SEL1L: variants seen among roughly 807,000 people sequenced by gnomAD.
SEL1L encodes SEL1L adaptor subunit of SYVN1 ubiquitin ligase.
SEL1L carries 52 observed loss-of-function variants against 109.8 expected under a neutral mutation model. The observed-to-expected ratio is 0.47, with a 90% CI of 0.38 to 0.60. SEL1L has a LOEUF of 0.60. SEL1L is among the 20% of genes least tolerant of loss of function. The pLI is 0.00. For synonymous variants in SEL1L, 373 were observed against 339.6 expected (o/e 1.10, Z -1.08); for missense variants, 749 against 962.2 (o/e 0.78, Z 2.93).
chr14:81,486,616 T>C, intron 16 of SEL1L, among the ~76,000 whole-genome samples, 162 bp from the exon 17 acceptor site: 1 of 152,002 alleles, frequency 6.6e-6, no homozygotes, highest in East Asian at 1.9e-4. Flanking sequence ...TATTTAAAGT[T>C]TTCACTTACT....
intron 3 of SEL1L, among the ~76,000 whole-genome samples, chr14:81,516,433 C>G (rs1490804752): frequency 6.6e-6 from 1 of 152,160 alleles, no homozygotes; most frequent in Non-Finnish European, 1.5e-5. Flanking sequence ...GCCTGGAAGT[C>G]CCAGGACCCT....
intron 3 of SEL1L, among the ~76,000 whole-genome samples, chr14:81,507,129 A>G (rs1884272324): frequency 6.6e-6 from 1 of 152,254 alleles, no homozygotes; most frequent in Non-Finnish European, 1.5e-5. Context: ...AAGAGGCTAA[A>G]GCAGCATGAG....
intron 2 of SEL1L, among the ~76,000 whole-genome samples, chr14:81,527,472 C>CACACACAG (rs1276588010): frequency 2.0e-5 from 3 of 146,798 alleles, no homozygotes; most frequent in South Asian, 2.2e-4. Context: ...CACACACACA[C>CACACACAG]AGAGCACATT....
chr14:81,518,813 T>C (rs1276863463), intron 3 of SEL1L, among the ~76,000 whole-genome samples: 3 of 152,168 alleles, frequency 2.0e-5, no homozygotes, highest in Non-Finnish European at 1.5e-5. Context: ...AAAATCAATA[T>C]TGCAGGCTGG....
intron 19 of SEL1L, among the ~76,000 whole-genome samples, chr14:81,483,061 C>A (rs1903410036): frequency 6.6e-6 from 1 of 152,180 alleles, no homozygotes; most frequent in Non-Finnish European, 1.5e-5. Flanking sequence ...GGAGATTGAT[C>A]ATTAAAAATA....
At chr14:81,520,057 A>G (rs929741765) in intron 3 of SEL1L, among the ~76,000 whole-genome samples, 3 of 152,126 alleles carry the variant, frequency 2.0e-5, no homozygotes, top group Non-Finnish European at 4.4e-5. Context: ...AAAGATTAAT[A>G]TGGTAGCAAC....
intron 3 of SEL1L, among the ~76,000 whole-genome samples, chr14:81,512,778 G>A (rs529712084): frequency 6.6e-6 from 1 of 152,280 alleles, no homozygotes; most frequent in South Asian, 2.1e-4. Flanking sequence ...TTCTATAATA[G>A]GGAATACCAC....
intron 1 of SEL1L, among the ~76,000 whole-genome samples, chr14:81,532,018 A>G (rs192839231): frequency 1.3e-5 from 2 of 152,344 alleles, no homozygotes; most frequent in East Asian, 3.9e-4. Context: ...ACAGTCCTCT[A>G]CCTACATCAA....
In SEL1L at chr14:81,510,512, C is replaced by CTATATATATA. The variant is rs1342094383; in HGVS notation, c.341-4272_341-4271insTATATATATA. Among the ~76,000 whole-genome samples the CTATATATATA allele has an allele frequency of 2.9e-3, 313 of 106,662 alleles. 1 individual carries two copies. The highest frequency in any genetic ancestry group is 4.8e-3 in the East Asian group (16 of 3,354). 70.0% of individuals were successfully genotyped at this position (106,662 alleles called of 152,430 possible). A position where few individuals can be genotyped will look rare whatever the true frequency, so the allele number is the denominator to read the frequency against. On this transcript the variant is annotated intron_variant, in intron 3 of 20. Transcript: ENST00000336735. ...TCTCTCTCTCTCTCTCTCTCTCTCT[C>CTATATATATA]TCTATATATATATATATAGACAATT...
chr14:81,527,813 A>G, intron 1 of SEL1L, 75 bp from the exon 2 acceptor site: 1 of 970,386 alleles, frequency 1.0e-6, no homozygotes, highest in Non-Finnish European at 1.6e-6. Context: ...AAAACATGTG[A>G]AAAGTATAGC....
At chr14:81,528,106 C>G (rs1885182308) in intron 1 of SEL1L, among the ~76,000 whole-genome samples, 1 of 152,166 alleles carries the variant, frequency 6.6e-6, no homozygotes, top group Admixed American at 6.5e-5. Flanking sequence ...AAATAAATCT[C>G]TAATTTCATA....
rs1240121985 is a variant in SEL1L at position 81,476,402 on chromosome 14, A to G, written c.*570T>C. The stretch of plus-strand genomic sequence containing the variant: ...CCTCCCAACCCTCCCTTTTAAAATA[A>G]CAAATATGCTGAATATGTCTAATTG... On this transcript the variant is annotated 3_prime_UTR_variant, in exon 21 of 21. Coordinates refer to ENST00000336735, the MANE Select transcript of SEL1L (RefSeq NM_005065.6). The G allele has an allele frequency of 6.6e-6, 1 of 152,416 alleles. No individual in the cohort carries two copies. The highest frequency in any genetic ancestry group is 1.5e-5 in the Non-Finnish European group (1 of 68,214). The allele number at this position is 152,416 out of a possible 1,614,324, so 9.4% of individuals were successfully genotyped here.
At chr14:81,526,427 A>AT (rs1296352860) in intron 3 of SEL1L, among the ~76,000 whole-genome samples, 2 of 152,128 alleles carry the variant, frequency 1.3e-5, no homozygotes, top group African/African-American at 4.8e-5. Flanking sequence ...CTGACATATT[A>AT]TTTTTTTAAA....
chr14:81,480,988 A>G lies in SEL1L; in HGVS notation c.2047-1248T>C, dbSNP rs183480695. Among the ~76,000 whole-genome samples, 330 of 152,250 alleles carry G rather than the reference A, an allele frequency of 2.2e-3. 2 individuals carry two copies. The Middle Eastern group carries it at 0.037, about 17-fold the overall frequency. ...TCTACCCCACTCTTTCCTCAAGTGC[A>G]TTGCCCTGGGGTGTAGAAACCTCAG... On this transcript the variant is annotated intron_variant, in intron 19 of 20. Coordinates refer to ENST00000336735, the MANE Select transcript of SEL1L (RefSeq NM_005065.6).
intron 11 of SEL1L, among the ~76,000 whole-genome samples, chr14:81,493,621 T>C (rs1883630882): frequency 6.6e-6 from 1 of 152,242 alleles, no homozygotes; most frequent in Non-Finnish European, 1.5e-5. Context: ...ACTGTTCTGT[T>C]AGCTACTTTC....
At chr14:81,479,960 C>T (rs1903295566) in intron 19 of SEL1L, among the ~76,000 whole-genome samples, 1 of 152,192 alleles carries the variant, frequency 6.6e-6, no homozygotes, top group Admixed American at 6.5e-5. Flanking sequence ...TTTCCCCCAA[C>T]ATAACATCTA....
chr14:81,527,747 A>T lies in SEL1L; in HGVS notation c.71-9T>A. ...CTGGCTGCCTTCTTCATCTGCAAAG[A>T]AATTTTAAGACAATTTAGTAATCTT... On this transcript the variant is annotated splice_polypyrimidine_tract_variant and intron_variant, in intron 1 of 20. Coordinates refer to ENST00000336735, the MANE Select transcript of SEL1L (RefSeq NM_005065.6). The T allele has an allele frequency of 6.3e-7, 1 of 1,592,590 alleles. No homozygotes were observed. The highest frequency in any genetic ancestry group is 8.6e-7 in the Non-Finnish European group (1 of 1,164,918).
chr14:81,496,333 A>G (rs2140007257), intron 10 of SEL1L, among the ~76,000 whole-genome samples: 1 of 149,998 alleles, frequency 6.7e-6, no homozygotes, highest in South Asian at 2.1e-4. Flanking sequence ...AAAAACAAAA[A>G]CAAAAACAAA....
rs1903039572 is a variant in SEL1L, at chr14:81,472,456, CA to C, written c.*4515del. ...GGGGGCCAAATTTGTAGCCCACTTC[CA>C]ATTGCACTTTGTGTACATGTTCACT... On this transcript the variant is annotated 3_prime_UTR_variant, in exon 21 of 21. Coordinates refer to ENST00000336735, the MANE Select transcript of SEL1L (RefSeq NM_005065.6). 1 of 230,544 alleles carries C rather than the reference CA, an allele frequency of 4.3e-6. No homozygotes were observed. The highest frequency in any genetic ancestry group is 8.8e-6 in the Non-Finnish European group (1 of 114,104). The allele number at this position is 230,544 out of a possible 1,614,324, so 14.3% of individuals were successfully genotyped here.
Sources: gnomAD v4.1 joint callset for allele counts (sites outside exome capture counted in the v4.1 genomes callset) on GRCh38, gnomAD v4.1.1 for gene constraint, MANE v1.5 for transcripts, NCBI Gene and HGNC (gene_info 2026-07-23, HGNC 2026-07-21) for gene names.